The following EFCAB9 variants were observed in gnomAD, a reference collection of about 807,000 sequenced individuals.
EFCAB9 encodes EF-hand calcium binding domain 9, also known as EF-hand calcium-binding domain-containing protein 9.
A neutral mutation model predicts 15.6 loss-of-function variants in EFCAB9; 16 were observed. The ratio of observed to expected loss-of-function variants is 1.03; its 90% CI spans 0.69 to 1.56. The LOEUF is 1.56. Ranked by LOEUF, EFCAB9 falls within the 40% of genes most tolerant of loss-of-function variation. EFCAB9 has a pLI of 0.00. For synonymous variants in EFCAB9, 76 were observed against 85.4 expected (o/e 0.89, Z 0.61); for missense variants, 208 against 235.4 (o/e 0.88, Z 0.76).
At chr5:172,194,641 C>CA (rs2113856832) in intron 1 of EFCAB9, among the ~76,000 whole-genome samples, 1 of 152,248 alleles carries the variant, frequency 6.6e-6, no homozygotes, top group Non-Finnish European at 1.5e-5. Context: ...TCAGGTGATC[C>CA]ACCCGCCTCC....
At chr5:172,202,777 G>A (rs190747519) in intron 3 of EFCAB9, among the ~76,000 whole-genome samples, 9 of 151,858 alleles carry the variant, frequency 5.9e-5, no homozygotes, top group Non-Finnish European at 1.0e-4. Flanking sequence ...CGAGGCAGGC[G>A]GGTCATGAGG....
At chr5:172,195,485 AC>A (rs1041789750) in intron 1 of EFCAB9, among the ~76,000 whole-genome samples, 41 of 152,344 alleles carry the variant, frequency 2.7e-4, no homozygotes, top group African/African-American at 9.4e-4. Context: ...CTTCGCAATA[AC>A]CCTGCCCTAG....
At chr5:172,195,844 G>A (rs1432715050) in intron 1 of EFCAB9, among the ~76,000 whole-genome samples, 1 of 152,124 alleles carries the variant, frequency 6.6e-6, no homozygotes, top group African/African-American at 2.4e-5. Context: ...GTCTCGCTCT[G>A]TCGCCCAGAA....
chr5:172,198,157 C>T (rs1310438417), intron 1 of EFCAB9, among the ~76,000 whole-genome samples: 1 of 152,214 alleles, frequency 6.6e-6, no homozygotes, highest in Non-Finnish European at 1.5e-5. Context: ...CTTCACCTCT[C>T]AGCATGATGC....
intron 2 of EFCAB9, among the ~76,000 whole-genome samples, 179 bp from the exon 3 acceptor site, chr5:172,200,387 T>C (rs10070923): frequency 0.64 from 96,944 of 152,110 alleles, 30,958 homozygotes; most frequent in African/African-American, 0.68. Flanking sequence ...TGAATGCAGA[T>C]GCTGAAGTGG....
intron 1 of EFCAB9, among the ~76,000 whole-genome samples, chr5:172,198,359 AT>A (rs1340574887): frequency 6.6e-6 from 1 of 152,140 alleles, no homozygotes; most frequent in Non-Finnish European, 1.5e-5. Flanking sequence ...AAATTAAAAA[AT>A]TACCTGGACA....
chr5:172,197,261 C>T (rs1184954833), intron 1 of EFCAB9, among the ~76,000 whole-genome samples: 3 of 152,160 alleles, frequency 2.0e-5, no homozygotes, highest in African/African-American at 7.2e-5. Context: ...GCATGCGCCA[C>T]CATGCCCAGC....
At chr5:172,195,638 A>G (rs1470652439) in intron 1 of EFCAB9, among the ~76,000 whole-genome samples, 1 of 152,118 alleles carries the variant, frequency 6.6e-6, no homozygotes, top group Non-Finnish European at 1.5e-5. Context: ...CTGATGCAGT[A>G]CCCAGGAGGT....
intron 1 of EFCAB9, among the ~76,000 whole-genome samples, chr5:172,198,345 C>CA (rs1771196955): frequency 6.6e-6 from 1 of 151,996 alleles, no homozygotes; most frequent in African/African-American, 2.4e-5. Context: ...CCCATCTCTA[C>CA]AAAAAATTAA....
intron 1 of EFCAB9, among the ~76,000 whole-genome samples, chr5:172,199,145 C>A (rs1225976373): frequency 1.3e-5 from 2 of 151,992 alleles, no homozygotes; most frequent in African/African-American, 4.8e-5. Flanking sequence ...GGAGCCAAGC[C>A]CTGTCCACGA....
chr5:172,202,900 T>C (rs1307585177), intron 3 of EFCAB9, among the ~76,000 whole-genome samples: 13 of 152,108 alleles, frequency 8.5e-5, no homozygotes, highest in Non-Finnish European at 1.3e-4. Context: ...CTCAGGAGGC[T>C]GAGGCAGGGG....
At chr5:172,198,585 C>T (rs976732357) in intron 1 of EFCAB9, among the ~76,000 whole-genome samples, 1 of 152,216 alleles carries the variant, frequency 6.6e-6, no homozygotes, top group Non-Finnish European at 1.5e-5. Flanking sequence ...AAGCATGAGG[C>T]ACATCAAGGC....
chr5:172,203,098 G>A (rs1771283962), intron 3 of EFCAB9, 116 bp from the exon 4 acceptor site: 2 of 1,008,710 alleles, frequency 2.0e-6, no homozygotes, highest in Admixed American at 3.0e-5. Context: ...CCCAATTACT[G>A]AGTGTCTTTA....
chr5:172,202,184 C>CA (rs1352715601), intron 3 of EFCAB9, among the ~76,000 whole-genome samples: 2 of 151,380 alleles, frequency 1.3e-5, no homozygotes, highest in Non-Finnish European at 2.9e-5. Context: ...ACTAAAAATA[C>CA]AAAAAAACTA....
intron 2 of EFCAB9, among the ~76,000 whole-genome samples, chr5:172,199,966 T>G (rs539379217): frequency 6.0e-4 from 83 of 137,552 alleles, no homozygotes; most frequent in African/African-American, 2.1e-3. Context: ...AGACTGAGTC[T>G]CAATCTGTGG....
At chr5:172,195,157 T>TAAAA (rs1180496161) in intron 1 of EFCAB9, among the ~76,000 whole-genome samples, 1 of 143,020 alleles carries the variant, frequency 7.0e-6, no homozygotes, top group East Asian at 2.0e-4. Context: ...TGACCAAAAA[T>TAAAA]AAATAAATAA....
At chr5:172,200,788 C>A in intron 3 of EFCAB9, 46 bp downstream of exon 3, 2 of 1,494,480 alleles carry the variant, frequency 1.3e-6, no homozygotes, top group South Asian at 1.3e-5. Context: ...AGTCTCTTCC[C>A]AAAAGCAGAG....
intron 1 of EFCAB9, among the ~76,000 whole-genome samples, chr5:172,195,999 G>T (rs1026077784): frequency 1.1e-4 from 16 of 151,974 alleles, no homozygotes; most frequent in African/African-American, 3.6e-4. Flanking sequence ...GACGGGCGGG[G>T]TTTCACTATG....
intron 3 of EFCAB9, among the ~76,000 whole-genome samples, chr5:172,202,964 A>C (rs1004852882): frequency 2.6e-5 from 4 of 151,998 alleles, no homozygotes; most frequent in Admixed American, 6.6e-5. Flanking sequence ...GCGCCACTGC[A>C]CTCCGGCCTG....
Sources: gnomAD v4.1 joint callset for allele counts (sites outside exome capture counted in the v4.1 genomes callset) on GRCh38, gnomAD v4.1.1 for gene constraint, MANE v1.5 for transcripts, NCBI Gene and HGNC (gene_info 2026-07-23, HGNC 2026-07-21) for gene names.